LRRC56: variants seen among roughly 807,000 people sequenced by gnomAD.
LRRC56 encodes the protein leucine rich repeat containing 56, also known as leucine-rich repeat-containing protein 56.
Under a neutral mutation model 47.8 loss-of-function variants are expected in LRRC56, and 41 were observed. The ratio of observed to expected loss-of-function variants is 0.86; its 90% CI spans 0.67 to 1.11. The LOEUF is 1.11. LRRC56 is among the 50% of genes most tolerant of loss of function. The pLI, the probability that LRRC56 is intolerant of heterozygous loss-of-function variation, is 0.00. For synonymous variants in LRRC56, 387 were observed against 311.2 expected (o/e 1.24, Z -2.56); for missense variants, 759 against 704.2 (o/e 1.08, Z -0.88).
the LRRC56 span, among the ~76,000 whole-genome samples, chr11:520,231 G>A: frequency 1.5e-5 from 1 of 67,428 alleles, no homozygotes; most frequent in Non-Finnish European, 2.9e-5. Context: ...ATTAGAACGC[G>A]GCCTGATACA....
chr11:526,064 G>A, the LRRC56 span, among the ~76,000 whole-genome samples: 1 of 151,196 alleles, frequency 6.6e-6, no homozygotes, highest in Admixed American at 6.6e-5. Context: ...AAAATTAGCC[G>A]GGCGTGGTGG....
upstream of LRRC56, chr11:534,086 G>C: frequency 1.7e-6 from 2 of 1,154,738 alleles, no homozygotes; most frequent in Non-Finnish European, 2.6e-6. Flanking sequence ...CCCTCCTCTA[G>C]AGGAAGCAGG....
chr11:550,058 C>G lies in LRRC56; in HGVS notation c.424-14C>G, dbSNP rs200349494. 12 of 1,611,180 alleles carry G rather than the reference C, an allele frequency of 7.4e-6. No homozygotes were observed. Among genetic ancestry groups the G allele is most frequent in the South Asian group, 4.4e-5 (4 of 90,952 alleles). On this transcript the variant is annotated splice_polypyrimidine_tract_variant and intron_variant, in intron 7 of 13. Coordinates refer to ENST00000270115, the MANE Select transcript of LRRC56 (RefSeq NM_198075.4). ...GCTGGGCCGGGCCCTGGCTCAGAGC[C>G]CCGCGCTGCCCAGGAACTCTACGCC...
Position 550,310 on chromosome 11 carries a change from C to A in LRRC56, c.624+38C>A, listed in dbSNP as rs369715615. 5.0e-4 allele frequency: 732 copies of A among 1,477,672 alleles called. 8 individuals carry two copies. The highest frequency in any genetic ancestry group is 1.5e-3 in the Middle Eastern group (7 of 4,518). The allele number at this position is 1,477,672 out of a possible 1,614,324, so 91.5% of individuals were successfully genotyped here. A position where few individuals can be genotyped will look rare whatever the true frequency, so the allele number is the denominator to read the frequency against. ...GGCACCCGGCCAGCATGTGCATGGCCAGGAGAGGCTCCCTGTGGCTCCAGC... is the reference window on the plus strand; with the variant it reads ...GGCACCCGGCCAGCATGTGCATGGCAAGGAGAGGCTCCCTGTGGCTCCAGC... On this transcript the variant is annotated intron_variant, in intron 8 of 13. Coordinates refer to ENST00000270115, the MANE Select transcript of LRRC56 (RefSeq NM_198075.4).
chr11:517,789 A>C, the LRRC56 span, among the ~76,000 whole-genome samples: 2 of 152,234 alleles, frequency 1.3e-5, no homozygotes, highest in Non-Finnish European at 2.9e-5. Context: ...TGTAGAAAGA[A>C]GTAGACATAG....
chr11:511,998 C>T, the LRRC56 span, among the ~76,000 whole-genome samples: 1 of 152,024 alleles, frequency 6.6e-6, no homozygotes, highest in Non-Finnish European at 1.5e-5. Context: ...GTCAGGAGTG[C>T]AGTGGCGTGA....
the LRRC56 span, among the ~76,000 whole-genome samples, chr11:512,881 CAAGCTGG>C: frequency 2.0e-5 from 3 of 152,184 alleles, no homozygotes; most frequent in East Asian, 5.8e-4. Flanking sequence ...AATTCAAGGG[CAAGCTGG>C]AAGTGAAAGT....
the LRRC56 span, among the ~76,000 whole-genome samples, chr11:524,814 G>T: frequency 6.6e-6 from 1 of 151,672 alleles, no homozygotes; most frequent in South Asian, 2.1e-4. Flanking sequence ...AAAAACTGGT[G>T]GGGCATAGTG....
At chr11:526,568 G>C in the LRRC56 span, among the ~76,000 whole-genome samples, 1 of 152,194 alleles carries the variant, frequency 6.6e-6, no homozygotes, top group Admixed American at 6.5e-5. Context: ...GGCTCCAGTC[G>C]TAACAGGCAA....
chr11:549,635 C>T (rs1460216881), intron 6 of LRRC56, among the ~76,000 whole-genome samples: 1 of 152,222 alleles, frequency 6.6e-6, no homozygotes, highest in Non-Finnish European at 1.5e-5. Flanking sequence ...GGGGACTGAG[C>T]CACCCACTAT....
the LRRC56 span, among the ~76,000 whole-genome samples, chr11:527,206 C>CA: frequency 1.3e-5 from 2 of 151,954 alleles, no homozygotes; most frequent in Admixed American, 1.3e-4. Flanking sequence ...GAGGCTGAGG[C>CA]AGGAGAATCA....
At chr11:533,402 G>A (rs1851230355), upstream of LRRC56, 2 of 1,603,232 alleles carry the variant, frequency 1.2e-6, no homozygotes, top group Admixed American at 1.7e-5. Context: ...CCCTGGCTGG[G>A]GCGGGGCGGG....
upstream of LRRC56, chr11:536,898 C>A (rs1266541821): frequency 6.6e-6 from 1 of 152,272 alleles, no homozygotes; most frequent in Non-Finnish European, 1.5e-5. Context: ...GCCTGCCGTC[C>A]GTCCACCGCG....
chr11:553,800 G>C (rs1429367444), intron 13 of LRRC56, among the ~76,000 whole-genome samples, 163 bp from the exon 14 acceptor site: 1 of 152,172 alleles, frequency 6.6e-6, no homozygotes, highest in Non-Finnish European at 1.5e-5. Flanking sequence ...GGGTCACAGG[G>C]CTGGGAACAC....
upstream of LRRC56, chr11:534,391 C>T: frequency 7.5e-7 from 1 of 1,325,240 alleles, no homozygotes; most frequent in Non-Finnish European, 1.1e-6. Flanking sequence ...AAGGAGGGCC[C>T]TGCTCAGCCA....
the LRRC56 span, among the ~76,000 whole-genome samples, chr11:510,445 T>C: frequency 6.7e-6 from 1 of 149,968 alleles, no homozygotes; most frequent in African/African-American, 2.5e-5. Context: ...CTACTAAAAA[T>C]ACAAAAAAAT....
At chr11:536,557 G>A (rs951657408), upstream of LRRC56, among the ~76,000 whole-genome samples, 1 of 152,306 alleles carries the variant, frequency 6.6e-6, no homozygotes, top group South Asian at 2.1e-4. Context: ...ATTACTTGAG[G>A]TCAGGAGTTC....
chr11:532,639 G>A (rs1324657141), upstream of LRRC56: 1 of 1,611,588 alleles, frequency 6.2e-7, no homozygotes, highest in African/African-American at 1.3e-5. Flanking sequence ...ACCTGCGTCA[G>A]GAGAGCACAC....
chr11:529,319 G>A, the LRRC56 span: 1 of 152,392 alleles, frequency 6.6e-6, no homozygotes, highest in Non-Finnish European at 1.5e-5. Context: ...TGGCACTGGA[G>A]GAGCCACCAG....
Sources: gnomAD v4.1 joint callset for allele counts (sites outside exome capture counted in the v4.1 genomes callset) on GRCh38, gnomAD v4.1.1 for gene constraint, MANE v1.5 for transcripts, NCBI Gene and HGNC (gene_info 2026-07-23, HGNC 2026-07-21) for gene names.